Variants in IQGAP2 observed in about 807,000 individuals in gnomAD.
IQGAP2 encodes ras GTPase-activating-like protein IQGAP2.
A neutral mutation model predicts 201.3 loss-of-function variants in IQGAP2; 173 were observed. The observed-to-expected ratio is 0.86, with a 90% CI of 0.76 to 0.98. IQGAP2 has a LOEUF of 0.98. Among genes scored for constraint, IQGAP2 ranks in the 50% least tolerant of loss-of-function variants. The pLI, the probability that IQGAP2 is intolerant of heterozygous loss-of-function variation, is 0.00. For synonymous variants in IQGAP2, 675 were observed against 673.9 expected (o/e 1.00, Z -0.03); for missense variants, 1,687 against 1,864.8 (o/e 0.90, Z 1.76).
At chr5:76,692,645 CAGA>C (rs1452006322) in intron 30 of IQGAP2, among the ~76,000 whole-genome samples, 1 of 152,194 alleles carries the variant, frequency 6.6e-6, no homozygotes, top group East Asian at 1.9e-4. Context: ...TTCGTACTTC[CAGA>C]AGAATTTTCC....
chr5:76,518,292 C>T (rs1469238208), intron 2 of IQGAP2, among the ~76,000 whole-genome samples: 2 of 152,162 alleles, frequency 1.3e-5, no homozygotes, highest in Non-Finnish European at 2.9e-5. Flanking sequence ...ACTTACAGTT[C>T]CATGTGGCTG....
At chr5:76,703,477 A>G (rs553848208) in intron 35 of IQGAP2, among the ~76,000 whole-genome samples, 4 of 152,058 alleles carry the variant, frequency 2.6e-5, no homozygotes, top group African/African-American at 7.2e-5. Context: ...TTTTACGTCA[A>G]TTTATTAACT....
intron 33 of IQGAP2, among the ~76,000 whole-genome samples, chr5:76,698,769 A>G (rs1301653168): frequency 1.3e-5 from 2 of 152,210 alleles, no homozygotes; most frequent in Non-Finnish European, 2.9e-5. Context: ...ATGTAGTACA[A>G]TATTTTTATA....
At chr5:76,463,899 C>T (rs949229993) in intron 2 of IQGAP2, among the ~76,000 whole-genome samples, 2 of 150,736 alleles carry the variant, frequency 1.3e-5, no homozygotes, top group Non-Finnish European at 3.0e-5. Flanking sequence ...CCAGGCTAGA[C>T]TGCAGTGGCG....
At chr5:76,584,759 G>A (rs1554071346) in intron 5 of IQGAP2, among the ~76,000 whole-genome samples, 1 of 152,132 alleles carries the variant, frequency 6.6e-6, no homozygotes, top group Non-Finnish European at 1.5e-5. Flanking sequence ...CTCCTGACAT[G>A]CGGATCTGCA....
intron 4 of IQGAP2, among the ~76,000 whole-genome samples, chr5:76,572,540 C>T (rs1273896691): frequency 6.6e-6 from 1 of 151,922 alleles, no homozygotes; most frequent in African/African-American, 2.4e-5. Flanking sequence ...GATAACCCCC[C>T]GAGTTATCAA....
At chr5:76,638,183 A>G (rs1485142671) in intron 16 of IQGAP2, among the ~76,000 whole-genome samples, 4 of 152,220 alleles carry the variant, frequency 2.6e-5, no homozygotes, top group Non-Finnish European at 4.4e-5. Context: ...ACTCATTTAG[A>G]AAAGTCTGCA....
intron 2 of IQGAP2, among the ~76,000 whole-genome samples, chr5:76,466,608 G>A (rs1389068065): frequency 6.6e-6 from 1 of 152,184 alleles, no homozygotes; most frequent in Non-Finnish European, 1.5e-5. Flanking sequence ...AGTGAGAGAA[G>A]ATGCCCTTTT....
At position 76,681,460 on chromosome 5, in the gene IQGAP2, A is replaced by T. The variant is rs892356862; in HGVS notation, c.3661-1655A>T. Among the ~76,000 whole-genome samples, 3 of 152,092 alleles carry T rather than the reference A, an allele frequency of 2.0e-5. No homozygotes were observed. In the East Asian group the frequency reaches 5.8e-4, roughly 29 times the overall value. ...TATACAGATGGTCAGCATCACTAAT[A>T]ATTAGAGAAATCAAAACTGAAACTG... On this transcript the variant is annotated intron_variant, in intron 28 of 35. Coordinates refer to ENST00000274364, the MANE Select transcript of IQGAP2 (RefSeq NM_006633.5).
chr5:76,579,810 T>C (rs1220940046), intron 5 of IQGAP2, among the ~76,000 whole-genome samples: 1 of 152,184 alleles, frequency 6.6e-6, no homozygotes, highest in African/African-American at 2.4e-5. Context: ...TTAGTGGATG[T>C]GACCACCAGT....
In IQGAP2 at chr5:76,603,383, T is replaced by C. The variant is rs185140603; in HGVS notation, c.1232+2411T>C. Among the ~76,000 whole-genome samples the C allele has an allele frequency of 5.4e-3, 819 of 152,306 alleles. 8 individuals are homozygous for C. Among genetic ancestry groups the C allele is most frequent in the Non-Finnish European group, 7.0e-3 (473 of 68,012 alleles). On this transcript the variant is annotated intron_variant, in intron 11 of 35. Coordinates refer to ENST00000274364, the MANE Select transcript of IQGAP2 (RefSeq NM_006633.5). ...AGCATATGCCTTGGAACCAAAAATA[T>C]CTGAGATTGACCCTCCCTAACTAAG...
chr5:76,469,808 C>T (rs1255105268), intron 2 of IQGAP2, among the ~76,000 whole-genome samples: 1 of 152,088 alleles, frequency 6.6e-6, no homozygotes, highest in Non-Finnish European at 1.5e-5. Context: ...CTTCACCCTA[C>T]AGGCTGAAGG....
rs1266835966 is a variant in IQGAP2, at chr5:76,575,691, A to C, written c.382-2A>C. The stretch of plus-strand genomic sequence containing the variant: ...ATAAATATTGTTTCTTTTGTTTTCC[A>C]GATATTTTATCCAGAAACAACAGAT... On this transcript the variant is annotated splice_acceptor_variant, in intron 4 of 35. Coordinates refer to ENST00000274364, the MANE Select transcript of IQGAP2 (RefSeq NM_006633.5). LOFTEE classifies it high-confidence loss of function. 1 of 1,548,478 alleles carries C rather than the reference A, an allele frequency of 6.5e-7. No homozygotes were observed. The highest frequency in any genetic ancestry group is 8.8e-7 in the Non-Finnish European group (1 of 1,136,706).
intron 8 of IQGAP2, among the ~76,000 whole-genome samples, chr5:76,592,072 A>G (rs577228813): frequency 7.0e-4 from 107 of 152,186 alleles, no homozygotes; most frequent in Non-Finnish European, 1.5e-3. Flanking sequence ...TCTTCTATCA[A>G]GCACCTTCCT....
intron 1 of IQGAP2, among the ~76,000 whole-genome samples, chr5:76,449,112 GC>G (rs1753580957): frequency 1.3e-5 from 2 of 152,270 alleles, no homozygotes; most frequent in South Asian, 2.1e-4. Flanking sequence ...GAGGGGAATG[GC>G]CCTCTTAGCT....
chr5:76,571,169 T>C (rs575653200), intron 4 of IQGAP2, among the ~76,000 whole-genome samples: 1 of 152,160 alleles, frequency 6.6e-6, no homozygotes, highest in Admixed American at 6.5e-5. Context: ...TATAAATTTA[T>C]TTTTTGTAAA....
intron 12 of IQGAP2, among the ~76,000 whole-genome samples, chr5:76,610,049 T>TC (rs1491178753): frequency 4.5e-4 from 24 of 53,716 alleles, no homozygotes; most frequent in Admixed American, 4.9e-4. Flanking sequence ...TTGTTCTCTC[T>TC]TTCTCTCTCT....
At chr5:76,572,990 C>G (rs1745218167) in intron 4 of IQGAP2, among the ~76,000 whole-genome samples, 1 of 152,168 alleles carries the variant, frequency 6.6e-6, no homozygotes, top group South Asian at 2.1e-4. Flanking sequence ...CATTTTTAAT[C>G]AAACTATTTT....
In IQGAP2 at chr5:76,589,628, TA is replaced by T. The variant is rs1746504458; in HGVS notation, c.542del (p.Asn181IlefsTer2). ...GTTCTTTGTTAGAGGAGGAAATCAG[TA>T]ATATGAGAAAAGAACTTGAGAAATA... ...KVDFTEEEIS[N>X]MRKELEKYGI... On this transcript the variant is annotated frameshift_variant, in exon 7 of 36. Coordinates refer to ENST00000274364, the MANE Select transcript of IQGAP2 (RefSeq NM_006633.5). LOFTEE classifies it high-confidence loss of function. The T allele has an allele frequency of 6.3e-7, 1 of 1,586,410 alleles. No individual in the cohort carries two copies. The highest frequency in any genetic ancestry group is 1.1e-5 in the South Asian group (1 of 87,604).
Sources: gnomAD v4.1 joint callset for allele counts (sites outside exome capture counted in the v4.1 genomes callset) on GRCh38, gnomAD v4.1.1 for gene constraint, MANE v1.5 for transcripts, NCBI Gene and HGNC (gene_info 2026-07-23, HGNC 2026-07-21) for gene names.